ABCA5: variants seen among roughly 807,000 people sequenced by gnomAD.
The protein encoded by ABCA5 is cholesterol transporter ABCA5.
In ABCA5, 163 loss-of-function variants were observed where a neutral mutation model predicts 206.0. That is an observed-to-expected ratio of 0.79 (90% CI 0.70 to 0.90). The LOEUF (loss-of-function observed/expected upper bound fraction) is 0.90. Among genes scored for constraint, ABCA5 ranks in the 40% least tolerant of loss-of-function variants. The probability of loss-of-function intolerance (pLI) is 0.00; values close to 1 mark genes in which losing one functional copy is unlikely to be tolerated. For synonymous variants in ABCA5, 609 were observed against 613.8 expected, an observed-to-expected ratio of 0.99 and a Z score of 0.11; for missense variants, 1,859 against 1,912.9, an observed-to-expected ratio of 0.97 and a Z score of 0.53.
chr17:69,277,767 A>T lies in ABCA5; in HGVS notation c.2468T>A (p.Leu823Ter). 6.2e-7 allele frequency: 1 copy of T among 1,606,344 alleles called. No individual in the cohort carries two copies. The highest frequency in any genetic ancestry group is 8.5e-7 in the Non-Finnish European group (1 of 1,177,450). Residue 823 changes from leucine to a stop codon, truncating the protein, a stop_gained, in exon 19 of 39, where the codon TTA (leucine) becomes TAA (stop). Transcript: ENST00000392676. LOFTEE classifies it high-confidence loss of function. ...SKSFDEMEQS[L>*]LILSETKAAL... ...AGCCTTGGTTTCAGAAAGAATAAGT[A>T]AGCTCTGTTCCATTTCATCAAAAGA...
At position 69,313,081 on chromosome 17, in the gene ABCA5, G is replaced by T. The variant is rs1194078730; in HGVS notation, c.307+11C>A. On this transcript the variant is annotated intron_variant, in intron 3 of 38. Coordinates refer to ENST00000392676, the MANE Select transcript of ABCA5 (RefSeq NM_172232.4). ...TATTATAAACAGAATATATATATAA[G>T]CTCACAATACCATCAGGTAGATGAT... 6.4e-7 allele frequency: 1 copy of T among 1,574,566 alleles called. No individual in the cohort carries two copies. The highest frequency in any genetic ancestry group is 1.4e-5 in the African/African-American group (1 of 73,286).
At chr17:69,307,033 C>T in intron 5 of ABCA5, 79 bp from the exon 6 acceptor site, 1 of 1,014,604 alleles carries the variant, frequency 9.9e-7, no homozygotes. Flanking sequence ...AGCTATATCC[C>T]TAAATTTGGT....
intron 9 of ABCA5, among the ~76,000 whole-genome samples, chr17:69,297,716 T>C (rs564292906): frequency 2.0e-5 from 3 of 152,148 alleles, no homozygotes; most frequent in African/African-American, 7.2e-5. Context: ...TACAAGTAGA[T>C]AGCAAATGGC....
intron 18 of ABCA5, among the ~76,000 whole-genome samples, chr17:69,282,778 A>C (rs2075409459): frequency 6.6e-6 from 1 of 151,622 alleles, no homozygotes; most frequent in Non-Finnish European, 1.5e-5. Context: ...AAAAAAAAAA[A>C]AAAAAGGAAA....
intron 15 of ABCA5, 128 bp downstream of exon 15, chr17:69,287,484 CT>C: frequency 9.2e-6 from 12 of 1,298,460 alleles, no homozygotes; most frequent in Admixed American, 2.6e-5. Context: ...TTTTTTAGAA[CT>C]TTTTTTGTGA....
chr17:69,297,106 C>G (rs1248124255), intron 10 of ABCA5, 85 bp downstream of exon 10: 7 of 1,292,044 alleles, frequency 5.4e-6, no homozygotes, highest in Non-Finnish European at 7.5e-6. Flanking sequence ...TCTAATATAC[C>G]ATATTTACAT....
At chr17:69,302,963 AAAATT>A in intron 7 of ABCA5, 57 bp from the exon 8 acceptor site, 1 of 930,794 alleles carries the variant, frequency 1.1e-6, no homozygotes, top group Non-Finnish European at 1.5e-6. Flanking sequence ...GTATGAAAAC[AAAATT>A]AAAGTTTGCT....
intron 18 of ABCA5, among the ~76,000 whole-genome samples, chr17:69,281,041 A>T (rs959496426): frequency 4.0e-5 from 6 of 149,520 alleles, no homozygotes; most frequent in Admixed American, 2.0e-4. Flanking sequence ...ATAATAAAAA[A>T]AAATAAAAAT....
intron 31 of ABCA5, among the ~76,000 whole-genome samples, chr17:69,255,150 TG>T (rs2075060078): frequency 6.6e-6 from 1 of 152,034 alleles, no homozygotes; most frequent in Admixed American, 6.6e-5. Context: ...AAGCAGGAAA[TG>T]GGATCAGGGT....
intron 37 of ABCA5, 86 bp downstream of exon 37, chr17:69,249,819 C>G (rs2074991237): frequency 7.0e-7 from 1 of 1,429,936 alleles, no homozygotes; most frequent in Non-Finnish European, 9.5e-7. Context: ...AACTACTTAC[C>G]TTCTTCCAGC....
chr17:69,303,440 T>C (rs1416413429), intron 7 of ABCA5, among the ~76,000 whole-genome samples: 1 of 151,898 alleles, frequency 6.6e-6, no homozygotes, highest in Non-Finnish European at 1.5e-5. Context: ...TATTAAATAC[T>C]GTATTTTTAT....
In ABCA5 at chr17:69,261,755, A is replaced by G; in HGVS notation, c.3316-7T>C. ...AACCAATAAGGCAAAAAACCTGTAA[A>G]TCAGAAATATGTTTCTATAAAAATA... On this transcript the variant is annotated splice_region_variant and splice_polypyrimidine_tract_variant and intron_variant, in intron 24 of 38. Coordinates refer to ENST00000392676, the MANE Select transcript of ABCA5 (RefSeq NM_172232.4). 8.1e-7 allele frequency: 1 copy of G among 1,231,250 alleles called. No individual in the cohort carries two copies. The highest frequency in any genetic ancestry group is 1.1e-6 in the Non-Finnish European group (1 of 899,060). 76.3% of individuals were successfully genotyped at this position (1,231,250 alleles called of 1,614,324 possible).
intron 1 of ABCA5, among the ~76,000 whole-genome samples, chr17:69,321,468 C>G (rs1385003477): frequency 6.6e-6 from 1 of 152,132 alleles, no homozygotes; most frequent in African/African-American, 2.4e-5. Flanking sequence ...TTTCCTCTTT[C>G]TATACTAGAA....
At position 69,300,686 on chromosome 17, in the gene ABCA5, C is replaced by T. The variant is rs541714576; in HGVS notation, c.1267+453G>A. 1.7e-4 allele frequency among the ~76,000 whole-genome samples: 26 copies of T among 152,148 alleles called. 1 individual carries two copies. In the South Asian group the frequency reaches 3.7e-3, roughly 22 times the overall value. ...GGACAGTACAGGTGTAGAATACAGA[C>T]ACAGGTAATGAGGAATACAAGTGGA... is the stretch of plus-strand genomic sequence containing the variant. On this transcript the variant is annotated intron_variant, in intron 9 of 38. Transcript: ENST00000392676.
chr17:69,293,870 GTGCGTGTGTGTGTGTT>G (rs1181975298), intron 11 of ABCA5, among the ~76,000 whole-genome samples: 5,033 of 89,026 alleles, frequency 0.057, 141 homozygotes, highest in Admixed American at 0.089. Flanking sequence ...GTGTGTGTGT[GTGCGTGTGTGTGTGTT>G]TGTGTGTGTG....
At chr17:69,273,833 A>C in intron 20 of ABCA5, 126 bp downstream of exon 20, 1 of 901,144 alleles carries the variant, frequency 1.1e-6, no homozygotes. Flanking sequence ...TTGAACTATA[A>C]TTTAGATTTC....
intron 10 of ABCA5, among the ~76,000 whole-genome samples, chr17:69,295,195 A>G (rs979708056): frequency 6.6e-6 from 1 of 152,222 alleles, no homozygotes; most frequent in East Asian, 1.9e-4. Context: ...CAAGATGCAC[A>G]GTCTATCTGA....
At chr17:69,317,386 C>A (rs1271342413) in intron 1 of ABCA5, among the ~76,000 whole-genome samples, 5 of 99,044 alleles carry the variant, frequency 5.0e-5, no homozygotes, top group African/African-American at 2.0e-4. Flanking sequence ...GGCATCAGAG[C>A]AAGACTCTGT....
intron 1 of ABCA5, among the ~76,000 whole-genome samples, chr17:69,315,608 C>A (rs1249997880): frequency 6.6e-6 from 1 of 152,016 alleles, no homozygotes; most frequent in East Asian, 1.9e-4. Context: ...CATGGTGAAA[C>A]CCTGTCTCTA....
Sources: allele counts gnomAD v4.1 joint callset (sites outside exome capture counted in the v4.1 genomes callset), GRCh38; gene constraint gnomAD v4.1.1; transcripts MANE v1.5; gene names NCBI Gene and HGNC (gene_info 2026-07-23, HGNC 2026-07-21).